LYG1: variants seen among roughly 807,000 people sequenced by gnomAD.
The protein encoded by LYG1 is lysozyme g1.
A neutral mutation model predicts 21.7 loss-of-function variants in LYG1; 17 were observed. The ratio of observed to expected loss-of-function variants is 0.78; its 90% CI spans 0.54 to 1.18. The LOEUF (loss-of-function observed/expected upper bound fraction) is 1.18, where lower values mean the gene tolerates loss of function less well. Among genes scored for constraint, LYG1 ranks in the 50% most tolerant of loss-of-function variants. LYG1 has a pLI of 0.00. For synonymous variants in LYG1, 81 were observed against 87.4 expected, an observed-to-expected ratio of 0.93 and a Z score of 0.41; for missense variants, 211 against 238.1, an observed-to-expected ratio of 0.89 and a Z score of 0.75.
chr2:99,293,929 ATTAAT>A (rs953233305), intron 3 of LYG1, among the ~76,000 whole-genome samples: 4 of 152,024 alleles, frequency 2.6e-5, no homozygotes, highest in Non-Finnish European at 4.4e-5. Context: ...TAATTAATTA[ATTAAT>A]TTATCTATAG....
At chr2:99,286,587 C>T (rs925681028) in intron 5 of LYG1, among the ~76,000 whole-genome samples, 1 of 151,896 alleles carries the variant, frequency 6.6e-6, no homozygotes, top group Non-Finnish European at 1.5e-5. Flanking sequence ...GCCTGTAATC[C>T]CAGCTACTCG....
chr2:99,299,267 T>G (rs1559224824), intron 1 of LYG1, among the ~76,000 whole-genome samples: 1 of 150,720 alleles, frequency 6.6e-6, no homozygotes, highest in Non-Finnish European at 1.5e-5. Flanking sequence ...GTTTTTTCTT[T>G]TTCTTTTTCT....
chr2:99,301,849 G>C (rs1313258097), upstream of LYG1, among the ~76,000 whole-genome samples: 1 of 150,514 alleles, frequency 6.6e-6, no homozygotes, highest in Non-Finnish European at 1.5e-5. Flanking sequence ...TGATCGGCTG[G>C]ATGATGCTAT....
Position 99,291,554 on chromosome 2 carries a change from A to C in LYG1, c.149-133T>G, listed in dbSNP as rs1458589800. 21 of 1,023,608 alleles carry C rather than the reference A, an allele frequency of 2.1e-5. No individual in the cohort carries two copies. In the East Asian group the frequency reaches 5.5e-4, roughly 27 times the overall value. 63.4% of individuals were successfully genotyped at this position (1,023,608 alleles called of 1,614,324 possible). A position where few individuals can be genotyped will look rare whatever the true frequency, so the allele number is the denominator to read the frequency against. The stretch of plus-strand genomic sequence containing the variant: ...ACTGACAATCCCAGATTTTGGTCTT[A>C]AATCTTTAGTAGTGGCCACTCCCTG... On this transcript the variant is annotated intron_variant, in intron 4 of 6. Coordinates refer to ENST00000308528, the MANE Select transcript of LYG1 (RefSeq NM_174898.3).
rs1299616409 is a variant in LYG1 at position 99,292,643 on chromosome 2, A to G, written c.44-3T>C. ...CCAGTTGCTGCTTTCAGACAAGTCT[A>G]CAAGTTGAGAAAAGTTCAGCCTAAG... On this transcript the variant is annotated splice_region_variant and splice_polypyrimidine_tract_variant and intron_variant, in intron 3 of 6. Coordinates refer to ENST00000308528, the MANE Select transcript of LYG1 (RefSeq NM_174898.3). 3.1e-6 allele frequency: 5 copies of G among 1,610,400 alleles called. No homozygotes were observed. Among genetic ancestry groups the G allele is most frequent in the Non-Finnish European group, 4.2e-6 (5 of 1,176,520 alleles).
At chr2:99,290,719 C>A (rs2094115650) in intron 5 of LYG1, among the ~76,000 whole-genome samples, 1 of 152,136 alleles carries the variant, frequency 6.6e-6, no homozygotes, top group South Asian at 2.1e-4. Context: ...AGACGGAATT[C>A]ATGCAAAAAT....
upstream of LYG1, among the ~76,000 whole-genome samples, chr2:99,301,490 A>AG (rs1391342998): frequency 1.1e-5 from 1 of 87,128 alleles, no homozygotes; most frequent in Non-Finnish European, 2.5e-5. Flanking sequence ...GGAAGAAAGA[A>AG]AAGGAAGAAG....
chr2:99,292,645 A>T lies in LYG1; in HGVS notation c.44-5T>A. On this transcript the variant is annotated splice_region_variant and splice_polypyrimidine_tract_variant and intron_variant, in intron 3 of 6. Transcript: ENST00000308528. Reference sequence around the variant, plus strand: ...AGTTGCTGCTTTCAGACAAGTCTACAAGTTGAGAAAAGTTCAGCCTAAGGC... The same window carrying T: ...AGTTGCTGCTTTCAGACAAGTCTACTAGTTGAGAAAAGTTCAGCCTAAGGC... 2 of 1,603,352 alleles carry T rather than the reference A, an allele frequency of 1.2e-6. No homozygotes were observed. The highest frequency in any genetic ancestry group is 1.7e-6 in the Non-Finnish European group (2 of 1,170,000).
intron 3 of LYG1, among the ~76,000 whole-genome samples, chr2:99,293,932 A>T (rs180975018): frequency 2.0e-4 from 30 of 152,008 alleles, no homozygotes; most frequent in South Asian, 1.0e-3. Flanking sequence ...TTAATTAATT[A>T]ATTTATCTAT....
rs147804636 is a variant in LYG1 at position 99,287,620 on chromosome 2, C to T, written c.334-2800G>A. On this transcript the variant is annotated intron_variant, in intron 5 of 6. Coordinates refer to ENST00000308528, the MANE Select transcript of LYG1 (RefSeq NM_174898.3). ...TACCATATCTCATAGTTTCTAATAT[C>T]TAGTGTTTCTCTATCATCCTGTTTT... Among the ~76,000 whole-genome samples, 635 of 152,042 alleles carry T rather than the reference C, an allele frequency of 4.2e-3. 7 individuals are homozygous for T. Among genetic ancestry groups the T allele is most frequent in the African/African-American group, 0.014 (563 of 41,482 alleles).
At chr2:99,295,765 A>G (rs1018462448) in intron 2 of LYG1, 63 bp from the exon 3 acceptor site, 10 of 1,465,350 alleles carry the variant, frequency 6.8e-6, no homozygotes, top group Non-Finnish European at 9.6e-6. Flanking sequence ...ACCACATGTA[A>G]TATTTCCACA....
upstream of LYG1, among the ~76,000 whole-genome samples, chr2:99,301,510 A>AAGGAAGGG (rs1553526305): frequency 3.6e-5 from 4 of 110,930 alleles, no homozygotes; most frequent in African/African-American, 1.0e-4. Context: ...GGAAGGAAGG[A>AAGGAAGGG]AGGGAGGGAG....
intron 3 of LYG1, among the ~76,000 whole-genome samples, chr2:99,294,663 A>G (rs368554147): frequency 6.6e-6 from 1 of 152,182 alleles, no homozygotes; most frequent in African/African-American, 2.4e-5. Flanking sequence ...TGTATTCCCA[A>G]TGCTTAGCAC....
intron 5 of LYG1, among the ~76,000 whole-genome samples, chr2:99,288,404 G>C (rs1447621419): frequency 6.6e-6 from 1 of 151,876 alleles, no homozygotes; most frequent in Admixed American, 6.6e-5. Context: ...TCTGGATTTG[G>C]GCTTTTAATC....
At chr2:99,288,678 C>A (rs899617739) in intron 5 of LYG1, among the ~76,000 whole-genome samples, 1 of 152,156 alleles carries the variant, frequency 6.6e-6, no homozygotes, top group Admixed American at 6.5e-5. Context: ...CAGCGATTCT[C>A]CTGCCTCAGC....
At chr2:99,301,717 C>CAAA (rs10688800), upstream of LYG1, among the ~76,000 whole-genome samples, 66 of 143,666 alleles carry the variant, frequency 4.6e-4, no homozygotes, top group East Asian at 1.1e-3. Flanking sequence ...GACTGTGTTC[C>CAAA]AAAAAAAAAA....
chr2:99,297,418 C>G (rs374853405), intron 2 of LYG1, among the ~76,000 whole-genome samples: 1 of 152,196 alleles, frequency 6.6e-6, no homozygotes, highest in South Asian at 2.1e-4. Context: ...TGCTCACATT[C>G]AAATGCTCCA....
intron 5 of LYG1, among the ~76,000 whole-genome samples, chr2:99,290,113 C>T (rs61194909): frequency 0.2 from 29,724 of 152,112 alleles, 3,066 homozygotes; most frequent in East Asian, 0.26. Context: ...CCTCCTCGTC[C>T]TCCCAAAGTG....
At chr2:99,296,504 A>C (rs2094136938) in intron 2 of LYG1, among the ~76,000 whole-genome samples, 1 of 152,098 alleles carries the variant, frequency 6.6e-6, no homozygotes, top group African/African-American at 2.4e-5. Context: ...ACCTTCCATG[A>C]GTACAAACAG....
Sources: gnomAD v4.1 joint callset for allele counts (sites outside exome capture counted in the v4.1 genomes callset) on GRCh38, gnomAD v4.1.1 for gene constraint, MANE v1.5 for transcripts, NCBI Gene and HGNC (gene_info 2026-07-23, HGNC 2026-07-21) for gene names.